Variants in ACOD1 observed in about 807,000 individuals in gnomAD.
The protein encoded by ACOD1 is cis-aconitate decarboxylase.
In ACOD1, 14 loss-of-function variants were observed where a neutral mutation model predicts 14.2. That is an observed-to-expected ratio of 0.99 (90% confidence interval 0.65 to 1.54). ACOD1 has a LOEUF of 1.54. ACOD1 is among the 40% of genes most tolerant of loss of function. The probability of loss-of-function intolerance (pLI) is 0.00; values close to 1 mark genes in which losing one functional copy is unlikely to be tolerated. For missense variants in ACOD1, 530 were observed against 586.3 expected (o/e 0.90, Z 0.99); for synonymous variants, 182 against 221.7 (o/e 0.82, Z 1.59).
At chr13:76,955,547 C>T (rs2033867181) in intron 4 of ACOD1, 23 bp downstream of exon 4, 2 of 1,541,792 alleles carry the variant, frequency 1.3e-6, no homozygotes, top group Middle Eastern at 1.7e-4. Flanking sequence ...TTTGCCCCAT[C>T]AAAAGGTAGT....
In ACOD1 at chr13:76,957,751, C is replaced by T. The variant is rs1459255171; in HGVS notation, c.1212C>T (p.Thr404=). 3 of 1,550,670 alleles carry T rather than the reference C, an allele frequency of 1.9e-6. No homozygotes were observed. Among genetic ancestry groups the T allele is most frequent in the Non-Finnish European group, 1.7e-6 (2 of 1,147,028 alleles). ...CCACCTTCACAGATCGCTCTGATAC[C>T]TTCTATGGGCACTGGAGAAAACCAC... ...DGATFTDRSD[T]FYGHWRKPLS... is the part of the protein sequence containing the mutation. The change falls in exon 5 of 5, where the codon ACC becomes ACT. Residue 404 remains threonine (T), a synonymous_variant. Transcript: ENST00000377462.
rs779059115 is a variant in ACOD1, at chr13:76,957,251, T to G, written c.712T>G (p.Leu238Val). 1.6e-5 allele frequency: 25 copies of G among 1,550,524 alleles called. No homozygotes were observed. In the African/African-American group the frequency reaches 2.6e-4, roughly 16 times the overall value. Residue 238 changes from leucine to valine, a missense_variant, in exon 5 of 5, where the codon TTG becomes GTG. Leu to Val is a conservative substitution (Grantham distance 32). Coordinates refer to ENST00000377462, the MANE Select transcript of ACOD1 (RefSeq NM_001258406.2). ...CCAAGGAAACAAGCAGGTCTTGGAC[T>G]TGGAGGCAGGATTTGGGGCCTTTTA... The part of the protein sequence containing the change: ...GLQGNKQVLD[L>V]EAGFGAFYAN...
Position 76,957,492 on chromosome 13 carries a change from A to T in ACOD1, c.953A>T (p.Tyr318Phe). Reference protein sequence around the residue: ...RIVLRIPNVQYVNRPFPVSEH... With the variant: ...RIVLRIPNVQFVNRPFPVSEH... ...GTGCTCAGGATACCAAATGTCCAGT[A>T]TGTAAACAGGCCCTTTCCAGTTTCG... The change falls in exon 5 of 5, where the codon TAT becomes TTT. Residue 318 changes from tyrosine (Y) to phenylalanine (F), a missense_variant. By Grantham distance (22) the Tyr-to-Phe change is conservative (BLOSUM62 3). Coordinates refer to ENST00000377462, the MANE Select transcript of ACOD1 (RefSeq NM_001258406.2). 1 of 1,550,628 alleles carries T rather than the reference A, an allele frequency of 6.4e-7. No homozygotes were observed.
Position 76,958,072 on chromosome 13 carries a change from G to A in ACOD1, c.*87G>A. The A allele has an allele frequency of 7.8e-7, 1 of 1,280,432 alleles. No individual in the cohort carries two copies. 79.3% of individuals were successfully genotyped at this position (1,280,432 alleles called of 1,614,324 possible). A position where few individuals can be genotyped will look rare whatever the true frequency, so the allele number is the denominator to read the frequency against. ...AAGGGTCTGCTGCTTGGTTTTCCCA[G>A]GAAAAATGAACAAAGATGGAGAGAG... is the stretch of plus-strand genomic sequence containing the variant. On this transcript the variant is annotated 3_prime_UTR_variant, in exon 5 of 5. Transcript: ENST00000377462.
chr13:76,954,752 T>C (rs1050211935), intron 3 of ACOD1, among the ~76,000 whole-genome samples: 1 of 152,152 alleles, frequency 6.6e-6, no homozygotes, highest in African/African-American at 2.4e-5. Context: ...CCCAAGCTCC[T>C]TGGGGCTCAC....
chr13:76,955,326 C>G lies in ACOD1; in HGVS notation c.272C>G (p.Ser91Cys). The change falls in exon 4 of 5, where the codon TCC (serine) becomes TGC (cysteine). Residue 91 changes from serine (S) to cysteine (C), a missense_variant. Ser to Cys is a moderately radical substitution (Grantham distance 112, BLOSUM62 -1). Coordinates refer to ENST00000377462, the MANE Select transcript of ACOD1 (RefSeq NM_001258406.2). ...AAFVNGVAIH[S>C]MDFDDTWHPA... ...TTGTGTCTGTTTATACAGATTCACT[C>G]CATGGATTTTGATGACACGTGGCAC... is the stretch of plus-strand genomic sequence containing the variant. 1 of 1,550,160 alleles carries G rather than the reference C, an allele frequency of 6.5e-7. No individual in the cohort carries two copies. Among genetic ancestry groups the G allele is most frequent in the East Asian group, 2.4e-5 (1 of 40,918 alleles).
chr13:76,952,313 T>C (rs528143095), intron 1 of ACOD1, among the ~76,000 whole-genome samples, 176 bp from the exon 2 acceptor site: 33 of 152,210 alleles, frequency 2.2e-4, no homozygotes, highest in African/African-American at 7.7e-4. Flanking sequence ...GCCTCACACA[T>C]AGTAGGTGCT....
At chr13:76,956,142 T>C (rs1315165280) in intron 4 of ACOD1, among the ~76,000 whole-genome samples, 4 of 152,390 alleles carry the variant, frequency 2.6e-5, no homozygotes, top group African/African-American at 9.6e-5. Context: ...AGCACTATTG[T>C]AAACATGTTA....
At chr13:76,955,267 C>T in intron 3 of ACOD1, 52 bp from the exon 4 acceptor site, 1 of 1,428,214 alleles carries the variant, frequency 7.0e-7, no homozygotes, top group South Asian at 1.2e-5. Context: ...AAAGCCATTG[C>T]ATTAAGGGAA....
intron 1 of ACOD1, among the ~76,000 whole-genome samples, chr13:76,949,266 G>GA (rs35542867): frequency 0.024 from 3,491 of 147,980 alleles, 108 homozygotes; most frequent in African/African-American, 0.071. Context: ...ACTCCGTCTT[G>GA]AAAAAAAAAA....
intron 4 of ACOD1, among the ~76,000 whole-genome samples, chr13:76,956,390 CG>C: frequency 1.3e-5 from 2 of 151,788 alleles, no homozygotes; most frequent in South Asian, 4.2e-4. Context: ...TTAGTAGAGA[CG>C]GGGTTTCGTC....
chr13:76,956,948 G>T, intron 4 of ACOD1, 62 bp from the exon 5 acceptor site: 1 of 1,475,806 alleles, frequency 6.8e-7, no homozygotes. Flanking sequence ...TGATGACTAC[G>T]CTATCCTGCC....
In ACOD1 at chr13:76,958,083, C is replaced by T; in HGVS notation, c.*98C>T. On this transcript the variant is annotated 3_prime_UTR_variant, in exon 5 of 5. Coordinates refer to ENST00000377462, the MANE Select transcript of ACOD1 (RefSeq NM_001258406.2). The stretch of plus-strand genomic sequence containing the variant: ...GCTTGGTTTTCCCAGGAAAAATGAA[C>T]AAAGATGGAGAGAGTCCAGAAACAG... 8.3e-7 allele frequency: 1 copy of T among 1,210,424 alleles called. No homozygotes were observed. Among genetic ancestry groups the T allele is most frequent in the Non-Finnish European group, 1.1e-6 (1 of 896,764 alleles). 75.0% of individuals were successfully genotyped at this position (1,210,424 alleles called of 1,614,324 possible).
intron 2 of ACOD1, among the ~76,000 whole-genome samples, chr13:76,953,092 G>T (rs187853860): frequency 2.0e-5 from 3 of 152,168 alleles, no homozygotes; most frequent in Non-Finnish European, 4.4e-5. Flanking sequence ...AGTAAGTCAA[G>T]ATCATGCCAC....
Position 76,957,342 on chromosome 13 carries a change from A to G in ACOD1, c.803A>G (p.Asp268Gly), listed in dbSNP as rs1414028802. 4 of 1,550,542 alleles carry G rather than the reference A, an allele frequency of 2.6e-6. No individual in the cohort carries two copies. Residue 268 changes from aspartate (D) to glycine (G), a missense_variant, in exon 5 of 5, where the codon GAC (aspartate) becomes GGC (glycine). Asp to Gly is a moderately conservative substitution (Grantham distance 94). Transcript: ENST00000377462. ...TACAGTTGGCTGCTGGACCAGCAGG[A>G]CGTGGCCTTTAAGCGTTTTCCTGCA... is the stretch of plus-strand genomic sequence containing the variant. ...ASYSWLLDQQ[D>G]VAFKRFPAHL...
At position 76,957,036 on chromosome 13, in the gene ACOD1, C is replaced by A. The variant is rs772797580; in HGVS notation, c.497C>A (p.Thr166Lys). The change falls in exon 5 of 5, where the codon ACG (threonine) becomes AAG (lysine). Residue 166 changes from threonine to lysine, a missense_variant. By Grantham distance (78) the Thr-to-Lys change is moderately conservative (BLOSUM62 -1). Coordinates refer to ENST00000377462, the MANE Select transcript of ACOD1 (RefSeq NM_001258406.2). ...TTCCATCCCCCTTCCGTGGTAGGAA[C>A]GTTGGGTAGTGCTGCTGCTGCATCC... Reference protein sequence around the residue: ...KRFHPPSVVGTLGSAAAASKF... With the variant: ...KRFHPPSVVGKLGSAAAASKF... 1.4e-5 allele frequency: 21 copies of A among 1,549,588 alleles called. No individual in the cohort carries two copies. Among genetic ancestry groups the A allele is most frequent in the Non-Finnish European group, 1.5e-5 (17 of 1,146,522 alleles).
intron 1 of ACOD1, among the ~76,000 whole-genome samples, 158 bp downstream of exon 1, chr13:76,948,728 T>C (rs1711202085): frequency 6.6e-6 from 1 of 152,246 alleles, no homozygotes; most frequent in Admixed American, 6.5e-5. Flanking sequence ...ATGGTGGCTT[T>C]CATTACTGTT....
chr13:76,951,648 G>A (rs1275441643), intron 1 of ACOD1, among the ~76,000 whole-genome samples: 1 of 152,098 alleles, frequency 6.6e-6, no homozygotes, highest in East Asian at 1.9e-4. Context: ...TTACTCTTAT[G>A]ACACATCTCA....
intron 1 of ACOD1, 49 bp downstream of exon 1, chr13:76,948,619 T>G: frequency 6.8e-7 from 1 of 1,464,518 alleles, no homozygotes; most frequent in South Asian, 1.2e-5. Flanking sequence ...TCTAGCAGAC[T>G]TCTTCCTTCC....
Sources: gnomAD v4.1 joint callset for allele counts (sites outside exome capture counted in the v4.1 genomes callset) on GRCh38, gnomAD v4.1.1 for gene constraint, MANE v1.5 for transcripts, NCBI Gene and HGNC (gene_info 2026-07-23, HGNC 2026-07-21) for gene names.